The following HS6ST3 variants were observed in gnomAD, a reference collection of about 807,000 sequenced individuals.
HS6ST3 encodes the protein heparan-sulfate 6-O-sulfotransferase 3.
In HS6ST3, 12 loss-of-function variants were observed where a neutral mutation model predicts 36.7. The observed-to-expected ratio is 0.33, with a 90% confidence interval of 0.21 to 0.53. HS6ST3 has a LOEUF of 0.53. HS6ST3 is among the 20% of genes least tolerant of loss of function. The pLI is 0.95. For missense variants in HS6ST3, 584 were observed against 640.9 expected, an observed-to-expected ratio of 0.91 and a Z score of 0.96; for synonymous variants, 240 against 257.5, an observed-to-expected ratio of 0.93 and a Z score of 0.65.
At chr13:96,350,432 A>C (rs2055175939) in intron 1 of HS6ST3, among the ~76,000 whole-genome samples, 1 of 152,220 alleles carries the variant, frequency 6.6e-6, no homozygotes, top group South Asian at 2.1e-4. Context: ...AGTCACTTTG[A>C]AAAGTCTTGG....
At chr13:96,657,205 TGAG>T (rs2056628904) in intron 1 of HS6ST3, among the ~76,000 whole-genome samples, 1 of 152,142 alleles carries the variant, frequency 6.6e-6, no homozygotes, top group Admixed American at 6.6e-5. Flanking sequence ...ATCAAAATAA[TGAG>T]GAGAAATTTT....
chr13:96,727,481 A>G (rs1274826993), intron 1 of HS6ST3, among the ~76,000 whole-genome samples: 1 of 152,092 alleles, frequency 6.6e-6, no homozygotes, highest in Non-Finnish European at 1.5e-5. Flanking sequence ...GTGGCTTTGC[A>G]TCCCTTTTCT....
intron 1 of HS6ST3, among the ~76,000 whole-genome samples, chr13:96,197,250 G>A (rs1041859820): frequency 5.3e-5 from 8 of 152,084 alleles, no homozygotes; most frequent in African/African-American, 1.4e-4. Context: ...TCATAGCAGT[G>A]GCAAGAGAAA....
intron 1 of HS6ST3, among the ~76,000 whole-genome samples, chr13:96,659,384 G>A (rs1299770974): frequency 6.6e-6 from 1 of 151,862 alleles, no homozygotes; most frequent in Non-Finnish European, 1.5e-5. Context: ...TTAGGTTATG[G>A]GAATTCTTGA....
At chr13:96,754,311 A>G (rs953443201) in intron 1 of HS6ST3, among the ~76,000 whole-genome samples, 1 of 152,204 alleles carries the variant, frequency 6.6e-6, no homozygotes, top group Non-Finnish European at 1.5e-5. Flanking sequence ...ATTTAAAGAT[A>G]TCTTCTACCA....
intron 1 of HS6ST3, among the ~76,000 whole-genome samples, chr13:96,819,509 ATT>A (rs1219569558): frequency 6.6e-6 from 1 of 152,172 alleles, no homozygotes; most frequent in Non-Finnish European, 1.5e-5. Context: ...TAAAGCGTTA[ATT>A]TTGTGTTTTC....
intron 1 of HS6ST3, among the ~76,000 whole-genome samples, chr13:96,286,553 G>C (rs1007503525): frequency 2.0e-5 from 3 of 152,194 alleles, no homozygotes; most frequent in Non-Finnish European, 4.4e-5. Context: ...AAGACATACA[G>C]ATAACAACAA....
intron 1 of HS6ST3, among the ~76,000 whole-genome samples, chr13:96,526,739 A>G (rs1211280209): frequency 6.6e-6 from 1 of 152,172 alleles, no homozygotes; most frequent in African/African-American, 2.4e-5. Context: ...TCTTCATATC[A>G]TTAGGTATGG....
intron 1 of HS6ST3, among the ~76,000 whole-genome samples, chr13:96,237,380 TC>T (rs1369283086): frequency 6.6e-6 from 1 of 152,112 alleles, no homozygotes; most frequent in Non-Finnish European, 1.5e-5. Flanking sequence ...TTCCTTCTCC[TC>T]CCCCTTCTAT....
intron 1 of HS6ST3, among the ~76,000 whole-genome samples, chr13:96,358,555 C>T (rs2055221260): frequency 6.6e-6 from 1 of 151,752 alleles, no homozygotes; most frequent in Non-Finnish European, 1.5e-5. Flanking sequence ...ACAAAAAAAG[C>T]AGAGAGAATA....
At chr13:96,168,618 T>A (rs2054172105) in intron 1 of HS6ST3, among the ~76,000 whole-genome samples, 1 of 151,042 alleles carries the variant, frequency 6.6e-6, no homozygotes, top group Non-Finnish European at 1.5e-5. Flanking sequence ...GCAGGAGGAT[T>A]GCTAGACCCC....
At chr13:96,524,528 T>A (rs1006493119) in intron 1 of HS6ST3, among the ~76,000 whole-genome samples, 4 of 152,218 alleles carry the variant, frequency 2.6e-5, no homozygotes, top group African/African-American at 9.6e-5. Context: ...CAGTTCAAGC[T>A]TCCCTGCAGC....
intron 1 of HS6ST3, among the ~76,000 whole-genome samples, chr13:96,401,022 T>C (rs2055448557): frequency 1.3e-5 from 2 of 152,166 alleles, no homozygotes; most frequent in Admixed American, 1.3e-4. Context: ...AATATGAAAC[T>C]ATCACTAATT....
intron 1 of HS6ST3, among the ~76,000 whole-genome samples, chr13:96,176,927 GA>G (rs2054215001): frequency 2.0e-5 from 3 of 151,930 alleles, no homozygotes; most frequent in Admixed American, 6.6e-5. Context: ...ATTTACAAGA[GA>G]AAAACAAACA....
At chr13:96,151,924 C>T (rs1294183120) in intron 1 of HS6ST3, among the ~76,000 whole-genome samples, 3 of 152,162 alleles carry the variant, frequency 2.0e-5, no homozygotes, top group Non-Finnish European at 4.4e-5. Context: ...TAAGGGCCTG[C>T]CCTAATTCAG....
intron 1 of HS6ST3, among the ~76,000 whole-genome samples, chr13:96,595,610 T>A (rs897948417): frequency 1.1e-4 from 16 of 152,156 alleles, no homozygotes; most frequent in Non-Finnish European, 1.9e-4. Flanking sequence ...CTACTAGTTT[T>A]TTAGATAAGC....
intron 1 of HS6ST3, among the ~76,000 whole-genome samples, chr13:96,758,684 T>C (rs1230017084): frequency 6.6e-6 from 1 of 151,932 alleles, no homozygotes; most frequent in East Asian, 1.9e-4. Context: ...TTTTGAGATG[T>C]CTTATTGTCA....
At chr13:96,628,386 A>G (rs945319451) in intron 1 of HS6ST3, among the ~76,000 whole-genome samples, 6 of 151,890 alleles carry the variant, frequency 4.0e-5, no homozygotes, top group African/African-American at 7.2e-5. Flanking sequence ...CGTGATACCA[A>G]TCTTTTGAAA....
intron 1 of HS6ST3, among the ~76,000 whole-genome samples, chr13:96,092,905 G>T (rs1293815431): frequency 6.6e-6 from 1 of 152,070 alleles, no homozygotes; most frequent in Non-Finnish European, 1.5e-5. Flanking sequence ...AGGGAATTAG[G>T]CTCTTCTCTT....
Sources: gnomAD v4.1 joint callset for allele counts (sites outside exome capture counted in the v4.1 genomes callset) on GRCh38, gnomAD v4.1.1 for gene constraint, MANE v1.5 for transcripts, NCBI Gene and HGNC (gene_info 2026-07-23, HGNC 2026-07-21) for gene names.